Variants in DAB1 observed in about 807,000 individuals in gnomAD.
The protein encoded by DAB1 is disabled homolog 1.
Under a neutral mutation model 64.6 loss-of-function variants are expected in DAB1, and 15 were observed. The ratio of observed to expected loss-of-function variants is 0.23; its 90% CI spans 0.16 to 0.36. The LOEUF (loss-of-function observed/expected upper bound fraction) is 0.36, where lower values mean the gene tolerates loss of function less well. Ranked by LOEUF, DAB1 falls within the 10% of genes least tolerant of loss-of-function variation. The pLI is 1.00. For missense variants in DAB1, 596 were observed against 706.7 expected (o/e 0.84, Z 1.78); for synonymous variants, 235 against 251.9 (o/e 0.93, Z 0.64).
intron 5 of DAB1, among the ~76,000 whole-genome samples, chr1:57,922,052 T>C (rs914769004): frequency 1.1e-4 from 16 of 152,234 alleles, no homozygotes; most frequent in Non-Finnish European, 2.4e-4. Context: ...ACCCTATCCT[T>C]TTCCTCCTCA....
chr1:58,541,293 C>CAAAAAAAAAAAAAAAA (rs71043292), intron 1 of DAB1, among the ~76,000 whole-genome samples: 1 of 27,572 alleles, frequency 3.6e-5, no homozygotes, highest in Non-Finnish European at 6.8e-5. Context: ...GACTCTGTCT[C>CAAAAAAAAAAAAAAAA]AAAAAAAAAA....
At chr1:58,118,319 T>C (rs1390901492) in intron 5 of DAB1, among the ~76,000 whole-genome samples, 1 of 149,710 alleles carries the variant, frequency 6.7e-6, no homozygotes, top group Non-Finnish European at 1.5e-5. Context: ...TTTGTTAGAA[T>C]AGGCTATAGC....
chr1:58,219,822 G>T (rs1659064248), intron 4 of DAB1, among the ~76,000 whole-genome samples: 1 of 152,198 alleles, frequency 6.6e-6, no homozygotes, highest in South Asian at 2.1e-4. Context: ...GATTAGCTGT[G>T]CAATCAGGTT....
chr1:58,091,882 T>C (rs1557646380), intron 5 of DAB1, among the ~76,000 whole-genome samples: 3 of 151,650 alleles, frequency 2.0e-5, no homozygotes, highest in African/African-American at 7.3e-5. Flanking sequence ...CCAAGTCCTA[T>C]GAACTCCTGA....
At chr1:57,058,146 G>A (rs1169780438) in intron 9 of DAB1, among the ~76,000 whole-genome samples, 2 of 152,134 alleles carry the variant, frequency 1.3e-5, no homozygotes, top group Non-Finnish European at 2.9e-5. Flanking sequence ...GAATGCAGGT[G>A]CGTGAGTGTG....
Position 57,307,894 on chromosome 1 carries a change from C to T in DAB1, c.-136-16728G>A, listed in dbSNP as rs573635335. ...AGCTATGGAATCTAGATCACACCTC[C>T]CAGACCAGGTCTCCTTCTCCATCTG... On this transcript the variant is annotated intron_variant, in intron 1 of 14. Coordinates refer to ENST00000371236, the MANE Select transcript of DAB1 (RefSeq NM_001365792.1). Among the ~76,000 whole-genome samples the T allele has an allele frequency of 1.5e-3, 235 of 152,248 alleles. 1 individual carries two copies. Among genetic ancestry groups the T allele is most frequent in the African/African-American group, 5.5e-3 (228 of 41,558 alleles).
intron 3 of DAB1, among the ~76,000 whole-genome samples, chr1:58,443,270 C>T (rs1369609085): frequency 6.6e-6 from 1 of 152,228 alleles, no homozygotes; most frequent in Non-Finnish European, 1.5e-5. Context: ...TTGAGTTGGA[C>T]AATGCCAGCC....
At chr1:58,503,235 T>C (rs1645935198) in intron 3 of DAB1, among the ~76,000 whole-genome samples, 1 of 152,178 alleles carries the variant, frequency 6.6e-6, no homozygotes, top group East Asian at 1.9e-4. Context: ...TTATCATTGC[T>C]TTAGAGACAG....
At chr1:57,573,774 C>T (rs1570640225) in intron 7 of DAB1, among the ~76,000 whole-genome samples, 1 of 152,184 alleles carries the variant, frequency 6.6e-6, no homozygotes. Flanking sequence ...CACCTCTGTT[C>T]ACAATCATTC....
intron 7 of DAB1, among the ~76,000 whole-genome samples, chr1:57,452,022 T>G (rs535210211): frequency 6.6e-6 from 1 of 152,212 alleles, no homozygotes; most frequent in East Asian, 1.9e-4. Context: ...TCAGGAAGTT[T>G]GAAAGACGGC....
intron 2 of DAB1, among the ~76,000 whole-genome samples, chr1:58,526,430 T>C (rs1646350720): frequency 6.6e-6 from 1 of 152,106 alleles, no homozygotes; most frequent in South Asian, 2.1e-4. Flanking sequence ...TGAAGTGGCA[T>C]TGCTTTCACT....
intron 7 of DAB1, among the ~76,000 whole-genome samples, chr1:57,443,440 C>A (rs1570525064): frequency 6.6e-6 from 1 of 152,320 alleles, no homozygotes; most frequent in African/African-American, 2.4e-5. Context: ...ACTTTCATAT[C>A]TCTGGATGTT....
intron 1 of DAB1, among the ~76,000 whole-genome samples, chr1:57,325,132 C>A (rs1676049290): frequency 6.6e-6 from 1 of 152,248 alleles, no homozygotes; most frequent in South Asian, 2.1e-4. Flanking sequence ...GAGACTGTGA[C>A]TTCCCTGCAC....
chr1:57,786,299 C>G (rs1018065869), intron 6 of DAB1, among the ~76,000 whole-genome samples: 3 of 152,138 alleles, frequency 2.0e-5, no homozygotes, highest in African/African-American at 7.2e-5. Flanking sequence ...ACTGAACCCA[C>G]AATACCTCTA....
chr1:57,413,684 C>A (rs1261085562), intron 1 of DAB1, among the ~76,000 whole-genome samples: 1 of 139,986 alleles, frequency 7.1e-6, no homozygotes, highest in Non-Finnish European at 1.5e-5. Context: ...GTAGAGCTTG[C>A]AGTGAGCTGA....
intron 5 of DAB1, among the ~76,000 whole-genome samples, chr1:57,943,175 T>C (rs1251512987): frequency 6.6e-6 from 1 of 152,246 alleles, no homozygotes; most frequent in Non-Finnish European, 1.5e-5. Flanking sequence ...ATGCTCTTTC[T>C]GCCTGCAAAG....
intron 4 of DAB1, among the ~76,000 whole-genome samples, chr1:58,316,273 A>G (rs1009957847): frequency 1.3e-5 from 2 of 152,258 alleles, no homozygotes; most frequent in Non-Finnish European, 2.9e-5. Context: ...ACCTGTGTCA[A>G]GCAGAGCAGA....
intron 2 of DAB1, among the ~76,000 whole-genome samples, chr1:57,170,155 C>A (rs1557856174): frequency 6.6e-6 from 1 of 151,986 alleles, no homozygotes; most frequent in Non-Finnish European, 1.5e-5. Flanking sequence ...TGCCACCACA[C>A]CTGGCTAATT....
At chr1:57,065,907 T>C (rs1397740700) in intron 8 of DAB1, among the ~76,000 whole-genome samples, 1 of 152,042 alleles carries the variant, frequency 6.6e-6, no homozygotes, top group Non-Finnish European at 1.5e-5. Flanking sequence ...CAGACGCATG[T>C]GATTTCCCAG....
Sources: allele counts gnomAD v4.1 joint callset (sites outside exome capture counted in the v4.1 genomes callset), GRCh38; gene constraint gnomAD v4.1.1; transcripts MANE v1.5; gene names NCBI Gene and HGNC (gene_info 2026-07-23, HGNC 2026-07-21).